Variants in FRMPD4 observed in about 807,000 individuals in gnomAD.
FRMPD4 encodes the protein FERM and PDZ domain-containing protein 4.
FRMPD4 carries 22 observed loss-of-function variants against 94.1 expected under a neutral mutation model. The observed-to-expected ratio is 0.23, with a 90% CI of 0.17 to 0.33. FRMPD4 has a LOEUF of 0.33. Among genes scored for constraint, FRMPD4 ranks in the 10% least tolerant of loss-of-function variants. The pLI, the probability that FRMPD4 is intolerant of heterozygous loss-of-function variation, is 1.00. For synonymous variants in FRMPD4, 631 were observed against 548.6 expected (o/e 1.15, Z -2.10); for missense variants, 1,111 against 1,339.9 (o/e 0.83, Z 2.67).
At chrX:12,327,822 C>T in intron 1 of FRMPD4, among the ~76,000 whole-genome samples, 1 of 110,893 alleles carries the variant, frequency 9.0e-6, no homozygotes, top group Middle Eastern at 4.7e-3. Context: ...TTACATCTAG[C>T]TCAGTGCTCC....
intron 1 of FRMPD4, among the ~76,000 whole-genome samples, chrX:11,856,144 C>A (rs940253868): frequency 9.0e-6 from 1 of 111,408 alleles, no homozygotes; most frequent in African/African-American, 3.3e-5. Context: ...CTCATGAGAA[C>A]TAATTATCAT....
intron 3 of FRMPD4, among the ~76,000 whole-genome samples, chrX:12,090,584 T>G (rs1212053659): frequency 9.0e-6 from 1 of 110,905 alleles, no homozygotes; most frequent in Non-Finnish European, 1.9e-5. Flanking sequence ...GCTCCTGGGC[T>G]AGTCAGAATG....
At chrX:12,360,453 G>GT (rs1169700692) in intron 1 of FRMPD4, among the ~76,000 whole-genome samples, 2 of 110,633 alleles carry the variant, frequency 1.8e-5, no homozygotes, top group African/African-American at 3.3e-5. Context: ...TTTCAGCCTC[G>GT]TTTTTTTTAT....
chrX:12,037,667 T>A (rs1202474401), intron 3 of FRMPD4, among the ~76,000 whole-genome samples: 1 of 111,155 alleles, frequency 9.0e-6, no homozygotes, highest in Non-Finnish European at 1.9e-5. Context: ...GTGTACAGAT[T>A]CTTTTATCAT....
intron 1 of FRMPD4, among the ~76,000 whole-genome samples, chrX:12,237,033 A>G (rs903305497): frequency 8.9e-6 from 1 of 111,978 alleles, no homozygotes; most frequent in Non-Finnish European, 1.9e-5. Flanking sequence ...TCCAAATGTC[A>G]ATACTGCTGA....
At chrX:12,226,144 G>A (rs1414159588) in intron 1 of FRMPD4, among the ~76,000 whole-genome samples, 3 of 111,539 alleles carry the variant, frequency 2.7e-5, no homozygotes, top group African/African-American at 9.8e-5. Flanking sequence ...TCATTCTGTT[G>A]TCTAGACTGG....
chrX:12,581,641 T>C (rs1434160458), intron 2 of FRMPD4, among the ~76,000 whole-genome samples: 2 of 111,886 alleles, frequency 1.8e-5, no homozygotes, highest in African/African-American at 3.3e-5. Flanking sequence ...ATAAATGTCT[T>C]ACCAGGCCTC....
At chrX:12,523,452 G>T (rs1266245030) in intron 2 of FRMPD4, among the ~76,000 whole-genome samples, 1 of 111,612 alleles carries the variant, frequency 9.0e-6, no homozygotes, top group African/African-American at 3.3e-5. Context: ...ATAGGAAAAT[G>T]ACCTCTAAAT....
intron 3 of FRMPD4, among the ~76,000 whole-genome samples, chrX:11,908,253 A>T (rs2053978475): frequency 1.8e-5 from 2 of 111,947 alleles, no homozygotes; most frequent in African/African-American, 6.5e-5. Context: ...TTGCATGTGC[A>T]AGGAGACTTG....
At chrX:12,471,605 A>C (rs1014620699) in intron 1 of FRMPD4, among the ~76,000 whole-genome samples, 5 of 111,430 alleles carry the variant, frequency 4.5e-5, no homozygotes, top group African/African-American at 1.6e-4. Flanking sequence ...AATTTTAGCA[A>C]AGTCAGAAGT....
intron 4 of FRMPD4, among the ~76,000 whole-genome samples, chrX:12,651,201 G>A (rs781408689): frequency 6.0e-4 from 67 of 112,265 alleles, no homozygotes; most frequent in African/African-American, 2.1e-3. Context: ...CACATCCTAC[G>A]TAGCTGCATG....
chrX:12,126,582 G>A (rs2055502142), intron 3 of FRMPD4, among the ~76,000 whole-genome samples: 1 of 111,429 alleles, frequency 9.0e-6, no homozygotes, highest in Admixed American at 9.5e-5. Flanking sequence ...CCCCTGAGTG[G>A]TTCTGAGTAG....
intron 1 of FRMPD4, among the ~76,000 whole-genome samples, chrX:11,838,519 T>C (rs1187028830): frequency 9.0e-6 from 1 of 111,400 alleles, no homozygotes; most frequent in Non-Finnish European, 1.9e-5. Flanking sequence ...AAGGTTTTCT[T>C]TTTGTATTTT....
At chrX:11,976,912 T>A (rs939581570) in intron 3 of FRMPD4, among the ~76,000 whole-genome samples, 114 of 112,040 alleles carry the variant, frequency 1.0e-3, no homozygotes, top group African/African-American at 3.6e-3. Flanking sequence ...TGTTTTGTTC[T>A]TTTTTTAAAA....
intron 2 of FRMPD4, among the ~76,000 whole-genome samples, chrX:12,600,315 T>C (rs1398082394): frequency 1.8e-5 from 2 of 111,662 alleles, no homozygotes; most frequent in Non-Finnish European, 3.8e-5. Context: ...ACAAACCAAA[T>C]GGAAGATATT....
intron 2 of FRMPD4, among the ~76,000 whole-genome samples, chrX:12,560,709 A>G (rs192311573): frequency 5.1e-5 from 5 of 98,442 alleles, no homozygotes. Flanking sequence ...TCTCAGAGTA[A>G]GGGTTCTCCC....
At chrX:12,084,989 A>T (rs1222981155) in intron 3 of FRMPD4, among the ~76,000 whole-genome samples, 1 of 112,403 alleles carries the variant, frequency 8.9e-6, no homozygotes, top group Non-Finnish European at 1.9e-5. Flanking sequence ...AATAAAAAAC[A>T]GCATGGATAA....
intron 3 of FRMPD4, among the ~76,000 whole-genome samples, chrX:11,879,749 T>C (rs181556032): frequency 8.9e-6 from 1 of 112,267 alleles, no homozygotes; most frequent in Non-Finnish European, 1.9e-5. Context: ...GAGAACACTC[T>C]CAACTATAGA....
intron 3 of FRMPD4, among the ~76,000 whole-genome samples, chrX:11,893,481 G>T (rs908759171): frequency 8.9e-6 from 1 of 111,769 alleles, no homozygotes; most frequent in Non-Finnish European, 1.9e-5. Context: ...TGACATTTTG[G>T]TGACTAATAA....
Sources: allele counts gnomAD v4.1 joint callset (sites outside exome capture counted in the v4.1 genomes callset), GRCh38; gene constraint gnomAD v4.1.1; transcripts MANE v1.5; gene names NCBI Gene and HGNC (gene_info 2026-07-23, HGNC 2026-07-21).